Variants in KCNJ12 observed in about 807,000 individuals in gnomAD.
KCNJ12 encodes potassium inwardly rectifying channel subfamily J member 12, also known as ATP-sensitive inward rectifier potassium channel 12.
A neutral mutation model predicts 22.3 loss-of-function variants in KCNJ12; 2 were observed. The ratio of observed to expected loss-of-function variants is 0.09; its 90% CI spans 0.04 to 0.28. The LOEUF is 0.28. Among genes scored for constraint, KCNJ12 ranks in the 10% least tolerant of loss-of-function variants. The pLI is 1.00. For synonymous variants in KCNJ12, 117 were observed against 261.4 expected (o/e 0.45, Z 5.33); for missense variants, 155 against 633.3 (o/e 0.24, Z 8.11).
intron 1 of KCNJ12, among the ~76,000 whole-genome samples, chr17:21,405,484 A>G (rs1200110835): frequency 6.6e-6 from 1 of 152,146 alleles, no homozygotes; most frequent in African/African-American, 2.4e-5. Flanking sequence ...ACCACCTTCA[A>G]TTTCATGGCA....
At chr17:21,385,057 G>C (rs1905030922) in intron 1 of KCNJ12, among the ~76,000 whole-genome samples, 1 of 152,134 alleles carries the variant, frequency 6.6e-6, no homozygotes, top group African/African-American at 2.4e-5. Flanking sequence ...TTACAGGCGT[G>C]AGCCACCGTG....
intron 1 of KCNJ12, among the ~76,000 whole-genome samples, chr17:21,386,667 C>T (rs1450850146): frequency 6.6e-6 from 1 of 152,026 alleles, no homozygotes; most frequent in East Asian, 1.9e-4. Flanking sequence ...GCCACCACGC[C>T]CAGCTAATAT....
At chr17:21,377,466 C>G (rs960056146) in intron 1 of KCNJ12, among the ~76,000 whole-genome samples, 1 of 152,304 alleles carries the variant, frequency 6.6e-6, no homozygotes, top group African/African-American at 2.4e-5. Context: ...GAAATGATTC[C>G]ATGCCAGCAA....
At chr17:21,395,505 C>G (rs1225887608) in intron 1 of KCNJ12, among the ~76,000 whole-genome samples, 26 of 121,382 alleles carry the variant, frequency 2.1e-4, no homozygotes, top group Non-Finnish European at 3.4e-4. Context: ...TGCTTGCACC[C>G]GGGATGCGGA....
At chr17:21,381,429 C>T (rs1904863859) in intron 1 of KCNJ12, among the ~76,000 whole-genome samples, 1 of 152,068 alleles carries the variant, frequency 6.6e-6, no homozygotes, top group Non-Finnish European at 1.5e-5. Context: ...TCCCTGGGAC[C>T]CTCAGGGCCC....
Position 21,402,199 on chromosome 17 carries a change from G to A in KCNJ12, c.-178-6320G>A, listed in dbSNP as rs1308359965. ...TGGCCTCAGCCTCAAGGCCTTTGTG[G>A]CTACAGTTCCCACTTGAAGGAGTAC... On this transcript the variant is annotated intron_variant, in intron 1 of 2. Transcript: ENST00000583088. Among the ~76,000 whole-genome samples the A allele has an allele frequency of 3.9e-5, 6 of 152,422 alleles. No individual in the cohort carries two copies. In the East Asian group the frequency reaches 1.2e-3, roughly 29 times the overall value.
intron 2 of KCNJ12, among the ~76,000 whole-genome samples, chr17:21,409,154 G>A (rs1215811735): frequency 3.4e-4 from 52 of 152,362 alleles, no homozygotes; most frequent in Non-Finnish European, 1.0e-4. Flanking sequence ...GCCTGGGCAA[G>A]ATCAACTCTC....
In KCNJ12 at chr17:21,379,855, G is replaced by C. The variant is rs1904805083; in HGVS notation, c.-179+2942G>C. Among the ~76,000 whole-genome samples, 3 of 152,142 alleles carry C rather than the reference G, an allele frequency of 2.0e-5. No homozygotes were observed. In the South Asian group the frequency reaches 6.2e-4, roughly 31 times the overall value. ...AGGTGCTGGGCTCGGGGCAGGACCA[G>C]AGCCCCCGCTGGGCACTGGCCAAGG... On this transcript the variant is annotated intron_variant, in intron 1 of 2. Coordinates refer to ENST00000583088, the MANE Select transcript of KCNJ12 (RefSeq NM_021012.5).
chr17:21,400,440 G>A (rs1276033631), intron 1 of KCNJ12, among the ~76,000 whole-genome samples: 3 of 152,292 alleles, frequency 2.0e-5, no homozygotes, highest in Non-Finnish European at 4.4e-5. Context: ...GTGTTTCTCC[G>A]GTTTCTCCTG....
rs1256311269 is a variant in KCNJ12, at chr17:21,410,475, G to A, written c.-57+1835G>A. Among the ~76,000 whole-genome samples, 26 of 152,372 alleles carry A rather than the reference G, an allele frequency of 1.7e-4. No homozygotes were observed. In the East Asian group the frequency reaches 3.9e-3, roughly 23 times the overall value. The stretch of plus-strand genomic sequence containing the variant: ...GAGCAGGCACCTTGGGCGGGGAGGC[G>A]TGCGCCAGCCTTCCCTGCATTGAGT... On this transcript the variant is annotated intron_variant, in intron 2 of 2. Coordinates refer to ENST00000583088, the MANE Select transcript of KCNJ12 (RefSeq NM_021012.5).
In KCNJ12 at chr17:21,415,821, T is replaced by A; in HGVS notation, c.479T>A (p.Phe160Tyr). Reference protein sequence around the residue: ...CVTEECPVAVFMVVAQSIVGC... With the variant: ...CVTEECPVAVYMVVAQSIVGC... ...ACGGAGGAGTGCCCGGTGGCCGTCT[T>A]CATGGTGGTGGCCCAGTCCATCGTG... The change falls in exon 3 of 3, where the codon TTC (phenylalanine) becomes TAC (tyrosine). Residue 160 changes from phenylalanine to tyrosine, a missense_variant. Phe to Tyr is a conservative substitution (Grantham distance 22, BLOSUM62 3). Transcript: ENST00000583088. 6.2e-7 allele frequency: 1 copy of A among 1,613,270 alleles called. No homozygotes were observed. The highest frequency in any genetic ancestry group is 8.5e-7 in the Non-Finnish European group (1 of 1,179,834).
chr17:21,390,001 C>A (rs1905170106), intron 1 of KCNJ12, among the ~76,000 whole-genome samples: 1 of 152,190 alleles, frequency 6.6e-6, no homozygotes, highest in East Asian at 1.9e-4. Context: ...CCTCCTCCTG[C>A]CTCATTCCAG....
At chr17:21,385,906 G>A (rs1905055750) in intron 1 of KCNJ12, among the ~76,000 whole-genome samples, 1 of 152,244 alleles carries the variant, frequency 6.6e-6, no homozygotes, top group Non-Finnish European at 1.5e-5. Flanking sequence ...GTCCTCCCCT[G>A]TGAAATGGGA....
At chr17:21,412,853 T>C (rs1253904037) in intron 2 of KCNJ12, among the ~76,000 whole-genome samples, 2 of 152,248 alleles carry the variant, frequency 1.3e-5, no homozygotes, top group African/African-American at 2.4e-5. Flanking sequence ...GCTTAATGGC[T>C]GTGTGGCCTG....
chr17:21,384,744 GT>G (rs1347936655), intron 1 of KCNJ12, among the ~76,000 whole-genome samples: 29 of 133,740 alleles, frequency 2.2e-4, no homozygotes, highest in Non-Finnish European at 2.3e-4. Context: ...ATGTCACTTT[GT>G]TTTTTTTTTT....
chr17:21,414,715 G>A (rs1165192253), intron 2 of KCNJ12, among the ~76,000 whole-genome samples: 71 of 152,362 alleles, frequency 4.7e-4, no homozygotes, highest in African/African-American at 1.5e-3. Context: ...CTTGCGGGAG[G>A]GTGTCCAGGG....
chr17:21,415,207 C>G (rs1391168058), intron 2 of KCNJ12, 80 bp from the exon 3 acceptor site: 67 of 1,408,578 alleles, frequency 4.8e-5, no homozygotes, highest in East Asian at 2.5e-5. Context: ...GTCCTCCAGT[C>G]ACGTCTGGGG....
intron 1 of KCNJ12, among the ~76,000 whole-genome samples, chr17:21,401,759 T>G (rs550614731): frequency 6.6e-6 from 1 of 152,150 alleles, no homozygotes; most frequent in East Asian, 1.9e-4. Context: ...TCCCAATCCC[T>G]TAACTTCCCC....
At chr17:21,380,461 CAG>C (rs1491230916) in intron 1 of KCNJ12, among the ~76,000 whole-genome samples, 7 of 152,158 alleles carry the variant, frequency 4.6e-5, no homozygotes, top group Admixed American at 1.3e-4. Context: ...TGGACAGACT[CAG>C]GGGGGCAAGA....
Sources: gnomAD v4.1 joint callset for allele counts (sites outside exome capture counted in the v4.1 genomes callset) on GRCh38, gnomAD v4.1.1 for gene constraint, MANE v1.5 for transcripts, NCBI Gene and HGNC (gene_info 2026-07-23, HGNC 2026-07-21) for gene names.